The following CSF2RB variants were observed in gnomAD, a reference collection of about 807,000 sequenced individuals.
CSF2RB encodes the protein colony stimulating factor 2 receptor subunit beta.
A neutral mutation model predicts 67.2 loss-of-function variants in CSF2RB; 22 were observed. That is an observed-to-expected ratio of 0.33 (90% confidence interval 0.23 to 0.47). The LOEUF is 0.47. Among genes scored for constraint, CSF2RB ranks in the 20% least tolerant of loss-of-function variants. CSF2RB has a pLI of 1.00. For synonymous variants in CSF2RB, 507 were observed against 482.9 expected, an observed-to-expected ratio of 1.05 and a Z score of -0.65; for missense variants, 1,113 against 1,174.5, an observed-to-expected ratio of 0.95 and a Z score of 0.76.
At chr22:36,929,153 C>T (rs952414554) in intron 4 of CSF2RB, among the ~76,000 whole-genome samples, 1 of 152,212 alleles carries the variant, frequency 6.6e-6, no homozygotes, top group Non-Finnish European at 1.5e-5. Context: ...CTCGCCAGCG[C>T]TTTTTATGGA....
rs531652721 is a variant in CSF2RB, at chr22:36,926,630, C to T, written c.391+453C>T. Among the ~76,000 whole-genome samples, 3 of 152,310 alleles carry T rather than the reference C, an allele frequency of 2.0e-5. 1 individual carries two copies. The highest frequency in any genetic ancestry group is 7.2e-5 in the African/African-American group (3 of 41,570). ...GGTCAGCCTTCCCGGGGGCTTCCTG[C>T]ATGGTAGACAGGGAGCTTGTCTCCT... On this transcript the variant is annotated intron_variant, in intron 4 of 13. Transcript: ENST00000403662.
intron 4 of CSF2RB, among the ~76,000 whole-genome samples, chr22:36,927,059 A>G (rs1941033072): frequency 1.3e-5 from 2 of 152,142 alleles, no homozygotes; most frequent in South Asian, 4.1e-4. Flanking sequence ...CAGAGCTGAG[A>G]TCCAGTGCAG....
intron 7 of CSF2RB, 41 bp from the exon 8 acceptor site, chr22:36,930,632 G>C: frequency 6.2e-7 from 1 of 1,611,366 alleles, no homozygotes; most frequent in Non-Finnish European, 8.5e-7. Flanking sequence ...CCTCCCGTGT[G>C]CCCTCCCTCT....
At chr22:36,931,530 A>C (rs1941147119) in intron 8 of CSF2RB, among the ~76,000 whole-genome samples, 1 of 152,260 alleles carries the variant, frequency 6.6e-6, no homozygotes. Context: ...AAGAGACCTC[A>C]GCAAATTACG....
At chr22:36,933,772 G>C in intron 9 of CSF2RB, 60 bp from the exon 10 acceptor site, 1 of 1,553,062 alleles carries the variant, frequency 6.4e-7, no homozygotes. Context: ...CAGGTGGGAG[G>C]GATTTGCAGC....
At position 36,937,979 on chromosome 22, in the gene CSF2RB, G is replaced by A; in HGVS notation, c.2171G>A (p.Gly724Glu). The change falls in exon 14 of 14, where the codon GGG (glycine) becomes GAG (glutamate). Residue 724 changes from glycine to glutamate, a missense_variant. Physicochemically the swap from Gly to Glu is moderately conservative, Grantham distance 98. Transcript: ENST00000403662. The surrounding 1 kb of genome is among the most constrained non-coding windows in gnomAD (Gnocchi z 4.6). ...SADLVFTPNSGASSVSLVPSL... is the reference protein window; with the variant it reads ...SADLVFTPNSEASSVSLVPSL... Reference sequence around the variant, plus strand: ...GACCTGGTATTCACCCCAAACTCAGGGGCCTCGTCTGTCTCCCTAGTTCCC... The same window carrying A: ...GACCTGGTATTCACCCCAAACTCAGAGGCCTCGTCTGTCTCCCTAGTTCCC... The A allele has an allele frequency of 1.2e-6, 2 of 1,614,088 alleles. No homozygotes were observed. Among genetic ancestry groups the A allele is most frequent in the Middle Eastern group, 1.6e-4 (1 of 6,062 alleles).
chr22:36,933,218 GA>G (rs1941192769), intron 9 of CSF2RB, among the ~76,000 whole-genome samples: 1 of 152,246 alleles, frequency 6.6e-6, no homozygotes, highest in Non-Finnish European at 1.5e-5. Context: ...CAAAAGTCAT[GA>G]AAGTTTGGGG....
chr22:36,929,889 G>A, intron 6 of CSF2RB, 82 bp downstream of exon 6: 1 of 1,528,154 alleles, frequency 6.5e-7, no homozygotes, highest in Non-Finnish European at 8.8e-7. Flanking sequence ...GGGTTCCTGG[G>A]CTCCACCTGG....
intron 3 of CSF2RB, chr22:36,923,856 GAGCA>G: frequency 5.1e-6 from 6 of 1,168,812 alleles, no homozygotes; most frequent in Non-Finnish European, 6.8e-6. Context: ...GACAGTGGCA[GAGCA>G]AGCTGTGTGG....
Position 36,930,579 on chromosome 22 carries a change from C to T in CSF2RB, c.854+69C>T, listed in dbSNP as rs1941126819. ...GCTCTCTCCAAGCTTCCTCCTGTCC[C>T]TGGGGCCCCAGCAGAAGCCACAGCC... On this transcript the variant is annotated intron_variant, in intron 7 of 13. Transcript: ENST00000403662. 1.3e-5 allele frequency: 21 copies of T among 1,611,292 alleles called. No individual in the cohort carries two copies. The South Asian group carries it at 2.3e-4, about 18-fold the overall frequency.
rs753602241 is a variant in CSF2RB at position 36,937,379 on chromosome 22, T to C, written c.1571T>C (p.Val524Ala). Residue 524 changes from valine to alanine, a missense_variant and splice_region_variant, in exon 14 of 14, where the codon GTG becomes GCG. By Grantham distance (64) the Val-to-Ala change is moderately conservative (BLOSUM62 0). Coordinates refer to ENST00000403662, the MANE Select transcript of CSF2RB (RefSeq NM_000395.3). The surrounding 1 kb of genome is among the most constrained non-coding windows in gnomAD (Gnocchi z 4.6). ...TTCTGCCCATTTTCTTCCCACAGGGTGTTCCCTGTAGGATTCGGGGACAGC... is the reference window on the plus strand; with the variant it reads ...TTCTGCCCATTTTCTTCCCACAGGGCGTTCCCTGTAGGATTCGGGGACAGC... ...WGSRFPELEG[V>A]FPVGFGDSEV... is the part of the protein sequence containing the mutation. 1.2e-6 allele frequency: 2 copies of C among 1,613,242 alleles called. No homozygotes were observed. Among genetic ancestry groups the C allele is most frequent in the Non-Finnish European group, 1.7e-6 (2 of 1,179,918 alleles).
At chr22:36,932,152 A>T (rs937045822) in intron 8 of CSF2RB, among the ~76,000 whole-genome samples, 1 of 152,220 alleles carries the variant, frequency 6.6e-6, no homozygotes, top group Non-Finnish European at 1.5e-5. Flanking sequence ...AAACATAGTC[A>T]GGCTGGGCGC....
At chr22:36,917,540 CTT>C (rs1216595573) in intron 1 of CSF2RB, among the ~76,000 whole-genome samples, 1 of 152,126 alleles carries the variant, frequency 6.6e-6, no homozygotes, top group African/African-American at 2.4e-5. Context: ...CCTCCCATCC[CTT>C]CTCTGTCATC....
In CSF2RB at chr22:36,923,686, C is replaced by T. The variant is rs556177958; in HGVS notation, c.200+319C>T. The T allele has an allele frequency of 3.0e-6, 4 of 1,346,274 alleles. No individual in the cohort carries two copies. The African/African-American group carries it at 4.4e-5, about 15-fold the overall frequency. The allele number at this position is 1,346,274 out of a possible 1,614,324, so 83.4% of individuals were successfully genotyped here. ...TTGCCCCACATGACCTATCTTAGTT[C>T]CTCCTCACTGTGAGGTGGGCAGGGC... On this transcript the variant is annotated intron_variant, in intron 3 of 13. Coordinates refer to ENST00000403662, the MANE Select transcript of CSF2RB (RefSeq NM_000395.3).
intron 8 of CSF2RB, 26 bp downstream of exon 8, chr22:36,930,856 G>A: frequency 1.2e-6 from 2 of 1,613,542 alleles, no homozygotes; most frequent in Admixed American, 1.7e-5. Flanking sequence ...GCCCGCTGTG[G>A]GGATGGTCTG....
Position 36,939,351 on chromosome 22 carries a change from T to C in CSF2RB, c.*849T>C. On this transcript the variant is annotated 3_prime_UTR_variant, in exon 14 of 14. Transcript: ENST00000403662. ...CTACTGCGGAAAAGTCAGGGGAAAC[T>C]GCCAAACAAAGGAAAATGCCCCAAA... is the stretch of plus-strand genomic sequence containing the variant. 1 of 688,136 alleles carries C rather than the reference T, an allele frequency of 1.5e-6. No homozygotes were observed. The highest frequency in any genetic ancestry group is 2.1e-5 in the Admixed American group (1 of 47,858). 42.6% of individuals were successfully genotyped at this position (688,136 alleles called of 1,614,324 possible).
Position 36,939,021 on chromosome 22 carries a change from T to A in CSF2RB, c.*519T>A. On this transcript the variant is annotated 3_prime_UTR_variant, in exon 14 of 14. Transcript: ENST00000403662. ...GTGGGAGGCACCAGGTGGGCACCCG[T>A]GGGGGTTAGGGCTTGGAAGAGTGGC... is the stretch of plus-strand genomic sequence containing the variant. 1.6e-6 allele frequency: 1 copy of A among 636,482 alleles called. No homozygotes were observed. The highest frequency in any genetic ancestry group is 2.4e-5 in the Admixed American group (1 of 41,882). 39.4% of individuals were successfully genotyped at this position (636,482 alleles called of 1,614,324 possible).
rs761937916 is a variant in CSF2RB, at chr22:36,937,324, C to T, written c.1569-53C>T. Reference sequence around the variant, plus strand: ...CCCACCAAGACCCTTGTGCCTGACCCGGATCATCTGCCCAGGGTGGTCCCA... The same window carrying T: ...CCCACCAAGACCCTTGTGCCTGACCTGGATCATCTGCCCAGGGTGGTCCCA... On this transcript the variant is annotated intron_variant, in intron 13 of 13. Transcript: ENST00000403662. This position sits in a 1 kb window ranked among gnomAD's most constrained non-coding sequence, Gnocchi z 4.6. The T allele has an allele frequency of 2.3e-5, 37 of 1,602,868 alleles. No homozygotes were observed. The highest frequency in any genetic ancestry group is 1.8e-4 in the South Asian group (16 of 90,886).
At chr22:36,924,461 CT>C (rs963905387) in intron 3 of CSF2RB, among the ~76,000 whole-genome samples, 1 of 152,196 alleles carries the variant, frequency 6.6e-6, no homozygotes, top group African/African-American at 2.4e-5. Context: ...CCCCAACCCC[CT>C]CTCAGATGCC....
Sources: allele counts gnomAD v4.1 joint callset (sites outside exome capture counted in the v4.1 genomes callset), GRCh38; gene constraint gnomAD v4.1.1; non-coding constraint Gnocchi (gnomAD v3.1); transcripts MANE v1.5; gene names NCBI Gene and HGNC (gene_info 2026-07-23, HGNC 2026-07-21).